Variants in KCNQ1OT1 observed in about 807,000 individuals in gnomAD.
The protein encoded by KCNQ1OT1 is KCNQ1 antisense RNA 2 (non-protein coding).
exon 1 of KCNQ1OT1, chr11:2,616,481 A>G (rs1403986256): frequency 7.5e-6 from 3 of 397,816 alleles, no homozygotes; most frequent in Admixed American, 4.4e-5. Context: ...AAGGTATAAT[A>G]TTAGGTTATG....
rs1564855456 is a variant in KCNQ1OT1, at chr11:2,678,413, CTATT to C, written n.21578_21581del. The C allele has an allele frequency of 5.0e-6, 2 of 398,574 alleles. No individual in the cohort carries two copies. Among genetic ancestry groups the C allele is most frequent in the South Asian group, 1.3e-4 (1 of 7,860 alleles). 24.7% of individuals were successfully genotyped at this position (398,574 alleles called of 1,614,324 possible). ...CATATATTTGTCCAGTTGTCCAACA[CTATT>C]TATTTGAGTACATCATCATCTCTCT... On this transcript the variant is annotated non_coding_transcript_exon_variant, in exon 1 of 1. Transcript: ENST00000597346. This position sits in a 1 kb window ranked among gnomAD's most constrained non-coding sequence, Gnocchi z 4.9.
At chr11:2,646,802 C>T (rs1849672864) in exon 1 of KCNQ1OT1, 1 of 398,466 alleles carries the variant, frequency 2.5e-6, no homozygotes, top group African/African-American at 2.1e-5. Flanking sequence ...AAGCATGAGC[C>T]ATCATGTCCA....
chr11:2,693,316 GCCCT>G, exon 1 of KCNQ1OT1: 2 of 398,792 alleles, frequency 5.0e-6, no homozygotes, highest in Non-Finnish European at 8.8e-6. Flanking sequence ...ACAGGCCTGG[GCCCT>G]CTCTCCCTGC....
exon 1 of KCNQ1OT1, chr11:2,631,427 T>A (rs10832417): frequency 5.1e-6 from 2 of 390,522 alleles, no homozygotes; most frequent in Non-Finnish European, 9.0e-6. Context: ...AAAATGTTTG[T>A]TTTTTTTTTA....
chr11:2,675,621 A>G (rs1025991284), exon 1 of KCNQ1OT1: 2 of 398,460 alleles, frequency 5.0e-6, no homozygotes, highest in African/African-American at 4.1e-5. Flanking sequence ...GGTGGAGAGC[A>G]CCCCTTATTA....
rs746877883 is a variant in KCNQ1OT1 at position 2,679,896 on chromosome 11, T to A, written n.20099A>T. On this transcript the variant is annotated non_coding_transcript_exon_variant, in exon 1 of 1. Transcript: ENST00000597346. This position sits in a 1 kb window ranked among gnomAD's most constrained non-coding sequence, Gnocchi z 4.8. ...GAACTAGCACGCCTAATTTTTTTTT[T>A]ATTTTTATTTTTTTTGAGGCAGAGT... 1 of 397,944 alleles carries A rather than the reference T, an allele frequency of 2.5e-6. No homozygotes were observed. Among genetic ancestry groups the A allele is most frequent in the Non-Finnish European group, 4.4e-6 (1 of 226,030 alleles). The allele number at this position is 397,944 out of a possible 1,614,324, so 24.7% of individuals were successfully genotyped here.
At chr11:2,634,014 G>C in exon 1 of KCNQ1OT1, 1 of 398,634 alleles carries the variant, frequency 2.5e-6, no homozygotes. Context: ...ATGTCAGGCA[G>C]TGTAGTGCCT....
chr11:2,655,039 A>G, exon 1 of KCNQ1OT1: 1 of 398,634 alleles, frequency 2.5e-6, no homozygotes, highest in Non-Finnish European at 4.4e-6. Context: ...AGACAAAGTT[A>G]ACATTTGGAT....
rs867603596 is a variant in KCNQ1OT1 at position 2,673,175 on chromosome 11, C to T, written n.26820G>A. 1.8e-5 allele frequency: 7 copies of T among 398,550 alleles called. No individual in the cohort carries two copies. Among genetic ancestry groups the T allele is most frequent in the Middle Eastern group, 6.2e-4 (1 of 1,612 alleles). The allele number at this position is 398,550 out of a possible 1,614,324, so 24.7% of individuals were successfully genotyped here. ...ACCCAAGCACGAGGATCAGAATGGGCCCTGGAGCCAAGGCCAAAAGCCGAA... is the reference window on the plus strand; with the variant it reads ...ACCCAAGCACGAGGATCAGAATGGGTCCTGGAGCCAAGGCCAAAAGCCGAA... On this transcript the variant is annotated non_coding_transcript_exon_variant, in exon 1 of 1. Coordinates refer to ENST00000597346, the Ensembl canonical transcript of KCNQ1OT1. The surrounding 1 kb of genome is among the most constrained non-coding windows in gnomAD (Gnocchi z 4.5).
Position 2,678,682 on chromosome 11 carries a change from T to C in KCNQ1OT1, n.21313A>G, listed in dbSNP as rs1850335942. The stretch of plus-strand genomic sequence containing the variant: ...CAGTCAACCAGGGGAATTCATGGCA[T>C]GGCCTAAGATCTAAACACTCTTAAG... On this transcript the variant is annotated non_coding_transcript_exon_variant, in exon 1 of 1. Transcript: ENST00000597346. This position sits in a 1 kb window ranked among gnomAD's most constrained non-coding sequence, Gnocchi z 4.9. The C allele has an allele frequency of 5.0e-6, 2 of 398,650 alleles. No homozygotes were observed. Among genetic ancestry groups the C allele is most frequent in the Non-Finnish European group, 8.8e-6 (2 of 226,064 alleles). 24.7% of individuals were successfully genotyped at this position (398,650 alleles called of 1,614,324 possible). A position where few individuals can be genotyped will look rare whatever the true frequency, so the allele number is the denominator to read the frequency against.
exon 1 of KCNQ1OT1, chr11:2,660,659 A>G (rs1330845844): frequency 1.5e-5 from 6 of 398,514 alleles, no homozygotes; most frequent in Non-Finnish European, 2.7e-5. Context: ...GCAATGCCTC[A>G]GTTTTCATCC....
exon 1 of KCNQ1OT1, chr11:2,633,554 G>C (rs1449080381): frequency 2.5e-6 from 1 of 398,462 alleles, no homozygotes. Flanking sequence ...TATATGCTGA[G>C]AGATAGTATA....
At position 2,617,386 on chromosome 11, in the gene KCNQ1OT1, T is replaced by C. The variant is rs1020569572; in HGVS notation, n.82609A>G. ...GCACAATGTCTTCCAGTTTCATCCATGTGGCAAGTGGCAGGATCTCCTTTT... is the reference window on the plus strand; with the variant it reads ...GCACAATGTCTTCCAGTTTCATCCACGTGGCAAGTGGCAGGATCTCCTTTT... On this transcript the variant is annotated non_coding_transcript_exon_variant, in exon 1 of 1. Transcript: ENST00000597346. The surrounding 1 kb of genome is among the most constrained non-coding windows in gnomAD (Gnocchi z 4.6). 2.5e-6 allele frequency: 1 copy of C among 398,356 alleles called. No individual in the cohort carries two copies. Among genetic ancestry groups the C allele is most frequent in the Admixed American group, 4.4e-5 (1 of 22,700 alleles). The allele number at this position is 398,356 out of a possible 1,614,324, so 24.7% of individuals were successfully genotyped here.
At chr11:2,689,962 G>A (rs1293131744) in exon 1 of KCNQ1OT1, 2 of 398,726 alleles carry the variant, frequency 5.0e-6, no homozygotes, top group East Asian at 7.1e-5. Context: ...ACTAGCCTCA[G>A]AGCCTGGCTG....
In KCNQ1OT1 at chr11:2,612,728, G is replaced by T. The variant is rs545583697; in HGVS notation, n.87267C>A. The T allele has an allele frequency of 5.0e-6, 2 of 398,450 alleles. No homozygotes were observed. Among genetic ancestry groups the T allele is most frequent in the Admixed American group, 4.4e-5 (1 of 22,724 alleles). The allele number at this position is 398,450 out of a possible 1,614,324, so 24.7% of individuals were successfully genotyped here. On this transcript the variant is annotated non_coding_transcript_exon_variant, in exon 1 of 1. Coordinates refer to ENST00000597346, the Ensembl canonical transcript of KCNQ1OT1. This position sits in a 1 kb window ranked among gnomAD's most constrained non-coding sequence, Gnocchi z 5.5. Reference sequence around the variant, plus strand: ...TTGAAATCGCGCCCTAACATTTGGGGCCCTTCAGAGATAATTCCTATTTAT... The same window carrying T: ...TTGAAATCGCGCCCTAACATTTGGGTCCCTTCAGAGATAATTCCTATTTAT...
exon 1 of KCNQ1OT1, chr11:2,638,661 G>A (rs1185731692): frequency 6.6e-6 from 1 of 152,146 alleles, no homozygotes; most frequent in East Asian, 1.9e-4. Flanking sequence ...TCTTGGAGTT[G>A]CTCTTCTTGA....
exon 1 of KCNQ1OT1, chr11:2,693,181 G>C (rs1850616956): frequency 2.5e-6 from 1 of 398,522 alleles, no homozygotes; most frequent in Non-Finnish European, 4.4e-6. Context: ...TGAATATCTG[G>C]TCTGGCTCTG....
chr11:2,699,241 A>C lies in KCNQ1OT1; in HGVS notation n.754T>G, dbSNP rs765138151. 7.5e-6 allele frequency: 3 copies of C among 398,674 alleles called. No individual in the cohort carries two copies. The Admixed American group carries it at 1.3e-4, about 18-fold the overall frequency. 24.7% of individuals were successfully genotyped at this position (398,674 alleles called of 1,614,324 possible). On this transcript the variant is annotated non_coding_transcript_exon_variant, in exon 1 of 1. Transcript: ENST00000597346. Reference sequence around the variant, plus strand: ...GACCTCGACCCTGGCCACGCTGTCCATAAGGTGCAGATGGGAGCGCACTGC... The same window carrying C: ...GACCTCGACCCTGGCCACGCTGTCCCTAAGGTGCAGATGGGAGCGCACTGC...
exon 1 of KCNQ1OT1, chr11:2,672,555 G>C: frequency 5.0e-6 from 2 of 398,674 alleles, no homozygotes; most frequent in Non-Finnish European, 8.8e-6. Flanking sequence ...ATTGGAAGGT[G>C]GCCTTATCAA....
Sources: gnomAD v4.1 joint callset for allele counts on GRCh38, gnomAD v4.1.1 for gene constraint, Gnocchi (gnomAD v3.1) non-coding constraint, MANE v1.5 for transcripts, NCBI Gene and HGNC (gene_info 2026-07-23, HGNC 2026-07-21) for gene names.